The following ZSCAN1 variants were observed in gnomAD, a reference collection of about 807,000 sequenced individuals.
ZSCAN1 encodes zinc finger and SCAN domain-containing protein 1.
A neutral mutation model predicts 23.8 loss-of-function variants in ZSCAN1; 23 were observed. The ratio of observed to expected loss-of-function variants is 0.97; its 90% CI spans 0.70 to 1.37. ZSCAN1 has a LOEUF of 1.37. Ranked by LOEUF, ZSCAN1 falls within the 40% of genes most tolerant of loss-of-function variation. The probability of loss-of-function intolerance (pLI) is 0.00; values close to 1 mark genes in which losing one functional copy is unlikely to be tolerated. For missense variants in ZSCAN1, 575 were observed against 554.0 expected (o/e 1.04, Z -0.38); for synonymous variants, 236 against 232.3 (o/e 1.02, Z -0.15).
intron 4 of ZSCAN1, chr19:58,046,472 C>T (rs189741780): frequency 2.0e-5 from 17 of 848,368 alleles, no homozygotes; most frequent in Non-Finnish European, 2.9e-5. Context: ...AAGCTGGCCC[C>T]GGCCAAGGGC....
intron 2 of ZSCAN1, among the ~76,000 whole-genome samples, 196 bp downstream of exon 2, chr19:58,036,207 G>C (rs1300771888): frequency 6.6e-6 from 1 of 152,160 alleles, no homozygotes; most frequent in Non-Finnish European, 1.5e-5. Flanking sequence ...ACATGATGGG[G>C]GAGGTAGTTG....
At chr19:58,038,869 G>A (rs768865352) in intron 3 of ZSCAN1, among the ~76,000 whole-genome samples, 10 of 152,234 alleles carry the variant, frequency 6.6e-5, no homozygotes, top group Admixed American at 1.3e-4. Context: ...AGCCACGGAT[G>A]GTGAGAGCAG....
chr19:58,035,234 T>G (rs1233947167), intron 1 of ZSCAN1, among the ~76,000 whole-genome samples: 3 of 152,074 alleles, frequency 2.0e-5, no homozygotes, highest in Non-Finnish European at 4.4e-5. Flanking sequence ...TCAGTCCCCT[T>G]CACATCATCC....
At chr19:58,036,442 T>C (rs942461492) in intron 2 of ZSCAN1, among the ~76,000 whole-genome samples, 1 of 152,152 alleles carries the variant, frequency 6.6e-6, no homozygotes, top group African/African-American at 2.4e-5. Flanking sequence ...CAACTTTTAA[T>C]GTTTTCTTCA....
chr19:58,051,958 G>A (rs572866082), intron 4 of ZSCAN1, among the ~76,000 whole-genome samples: 1 of 152,256 alleles, frequency 6.6e-6, no homozygotes, highest in Non-Finnish European at 1.5e-5. Context: ...GGCGGGACAC[G>A]GTTAGGTGCA....
intron 4 of ZSCAN1, among the ~76,000 whole-genome samples, chr19:58,041,980 G>A (rs1432849957): frequency 6.6e-6 from 1 of 152,220 alleles, no homozygotes; most frequent in Non-Finnish European, 1.5e-5. Flanking sequence ...GAAGAAGGAA[G>A]TAACTTGTGG....
Position 58,048,417 on chromosome 19 carries a change from C to A in ZSCAN1, c.466-4073C>A, listed in dbSNP as rs1080416. On this transcript the variant is annotated intron_variant, in intron 4 of 5. Transcript: ENST00000282326. ...TCCCACTGCTTGAGGTGGCCAAGGCCGGAGGATAAGCCAAGCCCAGGAGTT... is the reference window on the plus strand; with the variant it reads ...TCCCACTGCTTGAGGTGGCCAAGGCAGGAGGATAAGCCAAGCCCAGGAGTT... 7.2e-5 allele frequency among the ~76,000 whole-genome samples: 11 copies of A among 152,266 alleles called. No individual in the cohort carries two copies. The East Asian group carries it at 1.9e-3, about 27-fold the overall frequency.
In ZSCAN1 at chr19:58,045,438, T is replaced by C. The variant is rs1321512261; in HGVS notation, c.465+4894T>C. The C allele has an allele frequency of 1.2e-5, 13 of 1,115,980 alleles. No homozygotes were observed. In the African/African-American group the frequency reaches 2.0e-4, roughly 17 times the overall value. The allele number at this position is 1,115,980 out of a possible 1,614,324, so 69.1% of individuals were successfully genotyped here. On this transcript the variant is annotated intron_variant, in intron 4 of 5. Transcript: ENST00000282326. The surrounding 1 kb of genome is among the most constrained non-coding windows in gnomAD (Gnocchi z 4.3). ...AGCCAAGGGCAGTGCCACCAAAGACTTCTCTGTGTTTTTCCAGAAGATCCG... is the reference window on the plus strand; with the variant it reads ...AGCCAAGGGCAGTGCCACCAAAGACCTCTCTGTGTTTTTCCAGAAGATCCG...
At chr19:58,052,715 T>G (rs1486159644) in intron 5 of ZSCAN1, 87 bp downstream of exon 5, 1 of 1,498,816 alleles carries the variant, frequency 6.7e-7, no homozygotes, top group East Asian at 2.3e-5. Context: ...ATGGGTTGAG[T>G]TGGGTGCTTC....
chr19:58,050,544 CGGCGT>C (rs2073852593), intron 4 of ZSCAN1, among the ~76,000 whole-genome samples: 1 of 152,018 alleles, frequency 6.6e-6, no homozygotes, highest in Non-Finnish European at 1.5e-5. Context: ...TTGTTTGAGA[CGGCGT>C]CTCGCTCTGT....
chr19:58,041,402 T>C (rs1327200173), intron 4 of ZSCAN1, among the ~76,000 whole-genome samples: 2 of 152,126 alleles, frequency 1.3e-5, no homozygotes, highest in South Asian at 2.1e-4. Flanking sequence ...GGGGCACACA[T>C]TGGGAAACAG....
intron 4 of ZSCAN1, among the ~76,000 whole-genome samples, chr19:58,051,036 G>A (rs554879767): frequency 4.6e-5 from 7 of 152,244 alleles, no homozygotes; most frequent in South Asian, 2.1e-4. Context: ...ATAGGGCCCC[G>A]GGAATGTCTT....
chr19:58,039,703 G>A (rs968768875), intron 3 of ZSCAN1, among the ~76,000 whole-genome samples: 5 of 150,902 alleles, frequency 3.3e-5, no homozygotes, highest in South Asian at 2.1e-4. Context: ...CCCAGGAGGC[G>A]GAGCTTGCAG....
At chr19:58,041,201 C>T (rs919905945) in intron 4 of ZSCAN1, among the ~76,000 whole-genome samples, 11 of 152,190 alleles carry the variant, frequency 7.2e-5, no homozygotes, top group African/African-American at 2.2e-4. Context: ...GTATTGGAGC[C>T]GCCAAGGGAA....
At chr19:58,052,109 G>C (rs1252881547) in intron 4 of ZSCAN1, among the ~76,000 whole-genome samples, 1 of 152,252 alleles carries the variant, frequency 6.6e-6, no homozygotes, top group African/African-American at 2.4e-5. Flanking sequence ...CTGTGGCACA[G>C]GTCCCCTGGC....
intron 3 of ZSCAN1, 188 bp downstream of exon 3, chr19:58,038,394 G>T: frequency 1.4e-6 from 1 of 727,964 alleles, no homozygotes; most frequent in Non-Finnish European, 2.2e-6. Context: ...CGCCTCATCT[G>T]CCTCGAATTT....
At chr19:58,034,940 G>A (rs369036560) in intron 1 of ZSCAN1, among the ~76,000 whole-genome samples, 2 of 151,704 alleles carry the variant, frequency 1.3e-5, no homozygotes, top group South Asian at 2.1e-4. Context: ...ACTGACTGGC[G>A]CAGTGAACAC....
chr19:58,044,816 C>T (rs962311929), intron 4 of ZSCAN1: 2 of 737,706 alleles, frequency 2.7e-6, no homozygotes, highest in African/African-American at 3.5e-5. Flanking sequence ...ACTCTGAGGC[C>T]CGAGTGCCTT....
At chr19:58,043,992 C>T (rs987860797) in intron 4 of ZSCAN1, among the ~76,000 whole-genome samples, 1 of 150,638 alleles carries the variant, frequency 6.6e-6, no homozygotes, top group South Asian at 2.2e-4. Flanking sequence ...CTCTTGGGGC[C>T]GGGCGCGGTG....
Sources: allele counts gnomAD v4.1 joint callset (sites outside exome capture counted in the v4.1 genomes callset), GRCh38; gene constraint gnomAD v4.1.1; non-coding constraint Gnocchi (gnomAD v3.1); transcripts MANE v1.5; gene names NCBI Gene and HGNC (gene_info 2026-07-23, HGNC 2026-07-21).